FHIT: variants seen among roughly 807,000 people sequenced by gnomAD.
The protein encoded by FHIT is fragile histidine triad diadenosine triphosphatase.
Under a neutral mutation model 17.9 loss-of-function variants are expected in FHIT, and 19 were observed. That is an observed-to-expected ratio of 1.06 (90% CI 0.74 to 1.56). The LOEUF is 1.56. Ranked by LOEUF, FHIT falls within the 40% of genes most tolerant of loss-of-function variation. The pLI is 0.00. For missense variants in FHIT, 248 were observed against 189.2 expected (o/e 1.31, Z -1.82); for synonymous variants, 81 against 69.7 (o/e 1.16, Z -0.81).
chr3:59,897,724 G>A (rs1007701535), intron 8 of FHIT, among the ~76,000 whole-genome samples: 6 of 150,998 alleles, frequency 4.0e-5, no homozygotes, highest in Non-Finnish European at 8.9e-5. Context: ...TCCCTAATCT[G>A]AAAATCTGAA....
chr3:60,389,485 C>G (rs1013331418), intron 5 of FHIT, among the ~76,000 whole-genome samples: 1 of 152,162 alleles, frequency 6.6e-6, no homozygotes, highest in Non-Finnish European at 1.5e-5. Context: ...TTATACACTC[C>G]AAATTACAAC....
chr3:60,229,336 G>C (rs573072818), intron 5 of FHIT, among the ~76,000 whole-genome samples: 1 of 151,572 alleles, frequency 6.6e-6, no homozygotes, highest in East Asian at 2.0e-4. Flanking sequence ...AGAATCACTT[G>C]AACCAGGGAG....
chr3:60,412,510 C>G (rs1702099674), intron 5 of FHIT, among the ~76,000 whole-genome samples: 1 of 152,004 alleles, frequency 6.6e-6, no homozygotes. Context: ...CTAGTCTCTC[C>G]CAAGATAACT....
At chr3:60,588,703 C>T (rs1290116005) in intron 4 of FHIT, among the ~76,000 whole-genome samples, 2 of 151,972 alleles carry the variant, frequency 1.3e-5, no homozygotes, top group African/African-American at 2.4e-5. Context: ...GGCTGGAGTG[C>T]GGTAGCATGA....
chr3:60,940,014 G>C (rs554666347), intron 3 of FHIT, among the ~76,000 whole-genome samples: 19 of 152,072 alleles, frequency 1.2e-4, no homozygotes, highest in Admixed American at 7.9e-4. Context: ...TATTATAAAG[G>C]CTTCATTAAT....
chr3:60,188,871 A>AT (rs966271497), intron 5 of FHIT, among the ~76,000 whole-genome samples: 31 of 149,976 alleles, frequency 2.1e-4, no homozygotes, highest in African/African-American at 5.8e-4. Flanking sequence ...TCACAAAGCA[A>AT]TTTTTTTTTT....
At chr3:60,388,047 C>T (rs4615035) in intron 5 of FHIT, among the ~76,000 whole-genome samples, 42,428 of 152,002 alleles carry the variant, frequency 0.28, 6,079 homozygotes, top group East Asian at 0.47. Context: ...GCAGAAGCTT[C>T]CTGAGGCCCT....
At chr3:60,737,474 T>C (rs2042156803) in intron 4 of FHIT, among the ~76,000 whole-genome samples, 1 of 152,224 alleles carries the variant, frequency 6.6e-6, no homozygotes, top group Non-Finnish European at 1.5e-5. Flanking sequence ...CTGGCTAGCC[T>C]ACATGAAGAT....
chr3:60,239,439 C>A (rs1352139030), intron 5 of FHIT, among the ~76,000 whole-genome samples: 1 of 152,096 alleles, frequency 6.6e-6, no homozygotes, highest in East Asian at 1.9e-4. Flanking sequence ...GTGGCACATA[C>A]CTGTAGTCCC....
At chr3:60,493,843 G>A (rs892814965) in intron 5 of FHIT, among the ~76,000 whole-genome samples, 3 of 152,120 alleles carry the variant, frequency 2.0e-5, no homozygotes, top group African/African-American at 7.2e-5. Flanking sequence ...AGAGCATAAT[G>A]GAGTGTTGAA....
chr3:61,011,473 A>T (rs2031784529), intron 3 of FHIT, among the ~76,000 whole-genome samples: 1 of 152,128 alleles, frequency 6.6e-6, no homozygotes. Context: ...TATGAAGGGG[A>T]TTAACACTAA....
At chr3:59,978,147 G>C (rs2107417228) in intron 7 of FHIT, among the ~76,000 whole-genome samples, 1 of 152,168 alleles carries the variant, frequency 6.6e-6, no homozygotes, top group Non-Finnish European at 1.5e-5. Context: ...TAATACTTGA[G>C]GAAACTGAGG....
chr3:60,115,140 C>G (rs1203859249), intron 5 of FHIT, among the ~76,000 whole-genome samples: 2 of 151,980 alleles, frequency 1.3e-5, no homozygotes, highest in African/African-American at 2.4e-5. Flanking sequence ...GTATAAAGAT[C>G]TTAAAACAAA....
chr3:61,068,386 A>AC (rs1333854742), intron 2 of FHIT, among the ~76,000 whole-genome samples: 1 of 151,948 alleles, frequency 6.6e-6, no homozygotes, highest in African/African-American at 2.4e-5. Flanking sequence ...TAGGAGGTTG[A>AC]CCCCTCCTTC....
intron 8 of FHIT, among the ~76,000 whole-genome samples, chr3:59,794,636 C>G (rs1038501): frequency 0.09 from 13,767 of 152,278 alleles, 832 homozygotes; most frequent in Non-Finnish European, 0.13. Context: ...CATCAGGGCA[C>G]TGAGGCCCAG....
At chr3:61,060,383 G>T (rs1312674908) in intron 2 of FHIT, among the ~76,000 whole-genome samples, 1 of 152,124 alleles carries the variant, frequency 6.6e-6, no homozygotes, top group Non-Finnish European at 1.5e-5. Context: ...CTTTACTATA[G>T]CTGAACAGGC....
intron 5 of FHIT, among the ~76,000 whole-genome samples, chr3:60,359,341 T>A (rs1414903321): frequency 1.4e-5 from 2 of 142,248 alleles, no homozygotes; most frequent in East Asian, 4.2e-4. Context: ...AGTACAGTGG[T>A]GTGATCTTGG....
intron 5 of FHIT, among the ~76,000 whole-genome samples, chr3:60,104,521 TAGAA>T (rs1388954577): frequency 1.3e-5 from 2 of 148,852 alleles, no homozygotes; most frequent in African/African-American, 5.0e-5. Flanking sequence ...GCTTATAGAA[TAGAA>T]AGAGAAAGAG....
intron 5 of FHIT, among the ~76,000 whole-genome samples, chr3:60,279,001 C>G (rs1707301732): frequency 6.6e-6 from 1 of 151,830 alleles, no homozygotes; most frequent in Non-Finnish European, 1.5e-5. Flanking sequence ...CAATTTAAAC[C>G]TAAAGCAATC....
Sources: allele counts gnomAD v4.1 joint callset (sites outside exome capture counted in the v4.1 genomes callset), GRCh38; gene constraint gnomAD v4.1.1; transcripts MANE v1.5; gene names NCBI Gene and HGNC (gene_info 2026-07-23, HGNC 2026-07-21).